The following EPB41L2 variants were observed in gnomAD, a reference collection of about 807,000 sequenced individuals.
The protein encoded by EPB41L2 is band 4.1-like protein 2.
In EPB41L2, 43 loss-of-function variants were observed where a neutral mutation model predicts 113.0. The observed-to-expected ratio is 0.38, with a 90% CI of 0.30 to 0.49. EPB41L2 has a LOEUF of 0.49. EPB41L2 is among the 20% of genes least tolerant of loss of function. The pLI, the probability that EPB41L2 is intolerant of heterozygous loss-of-function variation, is 0.95. For synonymous variants in EPB41L2, 442 were observed against 436.7 expected, an observed-to-expected ratio of 1.01 and a Z score of -0.15; for missense variants, 1,147 against 1,223.4, an observed-to-expected ratio of 0.94 and a Z score of 0.93.
chr6:130,890,845 A>C (rs549775408), intron 10 of EPB41L2, among the ~76,000 whole-genome samples: 2 of 152,206 alleles, frequency 1.3e-5, no homozygotes, highest in Admixed American at 6.5e-5. Flanking sequence ...AATTCTTAAT[A>C]TTTATGCCTA....
chr6:131,045,626 A>G (rs1468996697), intron 1 of EPB41L2, among the ~76,000 whole-genome samples: 1 of 152,088 alleles, frequency 6.6e-6, no homozygotes, highest in Non-Finnish European at 1.5e-5. Flanking sequence ...GTCAGGAGAG[A>G]CTCAAAGACT....
At chr6:130,902,821 T>C (rs867560954) in intron 6 of EPB41L2, among the ~76,000 whole-genome samples, 1 of 152,214 alleles carries the variant, frequency 6.6e-6, no homozygotes, top group South Asian at 2.1e-4. Context: ...AAAAATGGCA[T>C]GAGCTTCCTG....
chr6:130,903,198 G>A (rs1056610767), intron 6 of EPB41L2, among the ~76,000 whole-genome samples: 7 of 152,084 alleles, frequency 4.6e-5, no homozygotes, highest in African/African-American at 1.7e-4. Flanking sequence ...ACAGAGTGTT[G>A]GGTCACAAAG....
intron 1 of EPB41L2, among the ~76,000 whole-genome samples, chr6:130,998,724 AAGTT>A (rs1172073107): frequency 6.6e-6 from 1 of 152,224 alleles, no homozygotes; most frequent in African/African-American, 2.4e-5. Context: ...ACCAGTAAAT[AAGTT>A]AGCAACAGGT....
intron 14 of EPB41L2, among the ~76,000 whole-genome samples, chr6:130,871,689 A>C (rs1386552811): frequency 6.6e-6 from 1 of 152,222 alleles, no homozygotes; most frequent in African/African-American, 2.4e-5. Context: ...TTACTAACAG[A>C]AGACAGCTAT....
chr6:131,062,986 C>A (rs1228524540), intron 1 of EPB41L2, among the ~76,000 whole-genome samples, 169 bp downstream of exon 1: 3 of 152,064 alleles, frequency 2.0e-5, no homozygotes, highest in Non-Finnish European at 4.4e-5. Context: ...AAAGCCGGGC[C>A]CCCTCTCCCC....
chr6:130,919,060 A>G (rs1212216847), intron 4 of EPB41L2, among the ~76,000 whole-genome samples: 1 of 152,198 alleles, frequency 6.6e-6, no homozygotes, highest in Non-Finnish European at 1.5e-5. Context: ...ATAGCAAATC[A>G]GATTATATAT....
intron 19 of EPB41L2, among the ~76,000 whole-genome samples, chr6:130,845,057 A>C (rs1776590256): frequency 6.6e-6 from 1 of 152,208 alleles, no homozygotes; most frequent in Admixed American, 6.5e-5. Context: ...CAAATAAATA[A>C]ATAAAATAAA....
At chr6:130,984,165 C>T (rs1462617877) in intron 1 of EPB41L2, among the ~76,000 whole-genome samples, 5 of 152,074 alleles carry the variant, frequency 3.3e-5, no homozygotes, top group East Asian at 1.9e-4. Context: ...TTAGAAGGTC[C>T]GCAGGGGCAA....
intron 8 of EPB41L2, among the ~76,000 whole-genome samples, chr6:130,898,042 T>C (rs1223644895): frequency 1.4e-5 from 2 of 146,838 alleles, no homozygotes; most frequent in African/African-American, 2.5e-5. Flanking sequence ...CTAACAAAAA[T>C]GATGCTCATA....
intron 1 of EPB41L2, among the ~76,000 whole-genome samples, chr6:131,053,434 TAAAAAAAAAAAAAAAA>T (rs71030727): frequency 1.1e-5 from 1 of 88,906 alleles, no homozygotes; most frequent in Non-Finnish European, 2.2e-5. Context: ...ATGGAAATGA[TAAAAAAAAAAAAAAAA>T]AAAAAAAAAG....
intron 4 of EPB41L2, among the ~76,000 whole-genome samples, chr6:130,912,609 T>A (rs1799769025): frequency 6.6e-6 from 1 of 152,208 alleles, no homozygotes. Context: ...CAGGCCTCTC[T>A]AAGGGTGCCT....
chr6:130,981,385 A>G (rs1440547300), intron 1 of EPB41L2, among the ~76,000 whole-genome samples: 2 of 152,178 alleles, frequency 1.3e-5, no homozygotes, highest in Non-Finnish European at 2.9e-5. Context: ...ATTAGATACA[A>G]TACCTACAAC....
At chr6:130,966,777 A>G (rs1011066647) in intron 1 of EPB41L2, among the ~76,000 whole-genome samples, 3 of 152,202 alleles carry the variant, frequency 2.0e-5, no homozygotes, top group African/African-American at 7.2e-5. Flanking sequence ...ACACGTGCCA[A>G]TATGACTCCC....
At chr6:130,897,924 A>T (rs1381918275) in intron 8 of EPB41L2, among the ~76,000 whole-genome samples, 1 of 152,142 alleles carries the variant, frequency 6.6e-6, no homozygotes, top group Non-Finnish European at 1.5e-5. Flanking sequence ...ATGGTATGAA[A>T]GTACTTTTTA....
intron 1 of EPB41L2, among the ~76,000 whole-genome samples, chr6:130,964,486 C>T (rs1391479413): frequency 1.3e-5 from 1 of 75,908 alleles, no homozygotes; most frequent in Non-Finnish European, 2.4e-5. Flanking sequence ...TCAGCTTCCT[C>T]ATAAGCAAAA....
intron 19 of EPB41L2, among the ~76,000 whole-genome samples, chr6:130,850,023 C>T (rs1417776764): frequency 6.6e-6 from 1 of 151,992 alleles, no homozygotes; most frequent in African/African-American, 2.4e-5. Context: ...CACCTGAGGT[C>T]AGTCAGGAGT....
chr6:131,055,812 C>A (rs563300348), intron 1 of EPB41L2, among the ~76,000 whole-genome samples: 2 of 152,016 alleles, frequency 1.3e-5, no homozygotes, highest in Non-Finnish European at 2.9e-5. Context: ...AATTATAGCA[C>A]CTGGTGTGTA....
intron 1 of EPB41L2, among the ~76,000 whole-genome samples, chr6:130,965,183 G>T (rs562648432): frequency 8.5e-5 from 13 of 152,224 alleles, no homozygotes; most frequent in Non-Finnish European, 1.5e-4. Context: ...TATGCACCAG[G>T]CACCAGTAAT....
Sources: gnomAD v4.1 joint callset for allele counts (sites outside exome capture counted in the v4.1 genomes callset) on GRCh38, gnomAD v4.1.1 for gene constraint, MANE v1.5 for transcripts, NCBI Gene and HGNC (gene_info 2026-07-23, HGNC 2026-07-21) for gene names.